Variants in TANC2 observed in about 807,000 individuals in gnomAD.
The protein encoded by TANC2 is tetratricopeptide repeat, ankyrin repeat and coiled-coil containing 2.
TANC2 carries 26 observed loss-of-function variants against 210.5 expected under a neutral mutation model. The observed-to-expected ratio is 0.12, with a 90% CI of 0.09 to 0.17. TANC2 has a LOEUF of 0.17. Among genes scored for constraint, TANC2 ranks in the 10% least tolerant of loss-of-function variants. The pLI, the probability that TANC2 is intolerant of heterozygous loss-of-function variation, is 1.00. For missense variants in TANC2, 2,129 were observed against 2,608.9 expected, an observed-to-expected ratio of 0.82 and a Z score of 4.01; for synonymous variants, 931 against 967.1, an observed-to-expected ratio of 0.96 and a Z score of 0.69.
chr17:63,187,428 A>G (rs1011119736), intron 5 of TANC2, among the ~76,000 whole-genome samples: 3 of 152,216 alleles, frequency 2.0e-5, no homozygotes, highest in Non-Finnish European at 2.9e-5. Context: ...AATTAACTAG[A>G]CTACAGACCT....
chr17:63,151,162 CTCTT>C, intron 4 of TANC2, 104 bp from the exon 5 acceptor site: 1 of 393,446 alleles, frequency 2.5e-6, no homozygotes, highest in Non-Finnish European at 3.5e-6. Context: ...CTATGTTTCT[CTCTT>C]TCCCTTTTTC....
At chr17:63,251,326 A>G (rs1348738057) in intron 8 of TANC2, among the ~76,000 whole-genome samples, 3 of 152,182 alleles carry the variant, frequency 2.0e-5, no homozygotes, top group Non-Finnish European at 4.4e-5. Flanking sequence ...GATAAGTTTG[A>G]CGCAGTTTGA....
chr17:63,393,793 G>A (rs2048062941), intron 17 of TANC2, among the ~76,000 whole-genome samples: 1 of 149,054 alleles, frequency 6.7e-6, no homozygotes, highest in Non-Finnish European at 1.5e-5. Context: ...TTTTTTGAGA[G>A]GAGTTTCACT....
At position 62,966,250 on chromosome 17, in the gene TANC2, C is replaced by G. The variant is rs2031322703; in HGVS notation, c.-523C>G. Among the ~76,000 whole-genome samples, 1 of 146,156 alleles carries G rather than the reference C, an allele frequency of 6.8e-6. No homozygotes were observed. On this transcript the variant is annotated 5_prime_UTR_variant, in exon 1 of 28. Coordinates refer to ENST00000689528, the Ensembl canonical transcript of TANC2. This position sits in a 1 kb window ranked among gnomAD's most constrained non-coding sequence, Gnocchi z 5.1. Reference sequence around the variant, plus strand: ...CCAGCGCGGCGGCGGCGCTAGCGAGCGGCCGGCGGGGCGCGGGTTGCTGGG... The same window carrying G: ...CCAGCGCGGCGGCGGCGCTAGCGAGGGGCCGGCGGGGCGCGGGTTGCTGGG...
intron 9 of TANC2, among the ~76,000 whole-genome samples, chr17:63,303,901 T>C (rs1167649302): frequency 6.6e-6 from 1 of 151,892 alleles, no homozygotes; most frequent in Admixed American, 6.6e-5. Context: ...TTGTGTATGC[T>C]TCACGAAGTT....
At chr17:63,030,323 A>G (rs1405879214) in intron 2 of TANC2, among the ~76,000 whole-genome samples, 2 of 152,188 alleles carry the variant, frequency 1.3e-5, no homozygotes, top group Non-Finnish European at 2.9e-5. Context: ...CATATAACTA[A>G]GAATTCCAGC....
chr17:63,271,436 C>CTT (rs58847076), intron 9 of TANC2, among the ~76,000 whole-genome samples: 81 of 141,804 alleles, frequency 5.7e-4, no homozygotes, highest in African/African-American at 1.1e-3. Flanking sequence ...AGCTCTTTTT[C>CTT]TTTTTTTTTT....
chr17:63,220,489 G>A (rs952660060), intron 7 of TANC2, among the ~76,000 whole-genome samples: 1 of 151,308 alleles, frequency 6.6e-6, no homozygotes, highest in African/African-American at 2.4e-5. Flanking sequence ...ATCACTTGAG[G>A]TCAGGAGTTC....
intron 2 of TANC2, among the ~76,000 whole-genome samples, chr17:63,052,387 T>C (rs1341014377): frequency 6.6e-6 from 1 of 152,170 alleles, no homozygotes; most frequent in Non-Finnish European, 1.5e-5. Flanking sequence ...TGGCTATAAT[T>C]TCATTATACA....
At chr17:63,234,584 C>A (rs111903994) in intron 7 of TANC2, among the ~76,000 whole-genome samples, 2 of 151,972 alleles carry the variant, frequency 1.3e-5, no homozygotes, top group Non-Finnish European at 2.9e-5. Context: ...CTGTGCTTTC[C>A]TTTGTTTTAT....
intron 7 of TANC2, among the ~76,000 whole-genome samples, chr17:63,232,795 C>T (rs1446693030): frequency 1.3e-5 from 2 of 152,254 alleles, no homozygotes; most frequent in African/African-American, 4.8e-5. Flanking sequence ...AGGGGGTGCA[C>T]TGCACTGGGG....
chr17:63,146,421 T>G (rs1347409753), intron 4 of TANC2, among the ~76,000 whole-genome samples: 1 of 152,204 alleles, frequency 6.6e-6, no homozygotes, highest in Non-Finnish European at 1.5e-5. Flanking sequence ...TTTATTTTCC[T>G]ACCACACTGG....
At chr17:62,975,835 G>A (rs953548929) in intron 1 of TANC2, among the ~76,000 whole-genome samples, 2 of 152,050 alleles carry the variant, frequency 1.3e-5, no homozygotes, top group African/African-American at 4.8e-5. Context: ...TCCTTAGGAC[G>A]ATGTCTAGTA....
chr17:63,368,786 C>T (rs1033148705), intron 14 of TANC2, among the ~76,000 whole-genome samples: 1 of 152,180 alleles, frequency 6.6e-6, no homozygotes, highest in Non-Finnish European at 1.5e-5. Flanking sequence ...ACCATAGACT[C>T]AACTTCCCAA....
At position 63,327,749 on chromosome 17, in the gene TANC2, A is replaced by G. The variant is rs193124545; in HGVS notation, c.1575+8659A>G. ...ATACACCATGGAATACTGTGCAGCC[A>G]TTAAAAAAAAAGAATGAAATCATTC... On this transcript the variant is annotated intron_variant, in intron 11 of 27. Transcript: ENST00000689528. 4.9e-4 allele frequency among the ~76,000 whole-genome samples: 75 copies of G among 152,212 alleles called. No homozygotes were observed. The East Asian group carries it at 0.013, about 27-fold the overall frequency.
intron 4 of TANC2, among the ~76,000 whole-genome samples, chr17:63,106,138 AG>A (rs905697420): frequency 4.0e-5 from 6 of 151,536 alleles, no homozygotes; most frequent in African/African-American, 1.5e-4. Context: ...ATTGGAAAAA[AG>A]GGGGGGCCCT....
chr17:62,967,905 C>T (rs947103247), intron 1 of TANC2, among the ~76,000 whole-genome samples: 14 of 151,976 alleles, frequency 9.2e-5, no homozygotes, highest in African/African-American at 3.1e-4. Flanking sequence ...GTGCTTCTTG[C>T]AGCATTTCCC....
At chr17:63,195,603 T>C (rs373192868) in intron 6 of TANC2, among the ~76,000 whole-genome samples, 10 of 152,146 alleles carry the variant, frequency 6.6e-5, no homozygotes, top group African/African-American at 2.4e-4. Context: ...CGTTGCCGTA[T>C]CCTCTGCCCC....
At chr17:63,046,913 C>T (rs1394656868) in intron 2 of TANC2, among the ~76,000 whole-genome samples, 1 of 151,964 alleles carries the variant, frequency 6.6e-6, no homozygotes, top group Non-Finnish European at 1.5e-5. Flanking sequence ...TTTGAATTTA[C>T]TTATCAGTCA....
Sources: allele counts gnomAD v4.1 joint callset (sites outside exome capture counted in the v4.1 genomes callset), GRCh38; gene constraint gnomAD v4.1.1; non-coding constraint Gnocchi (gnomAD v3.1); transcripts MANE v1.5; gene names NCBI Gene and HGNC (gene_info 2026-07-23, HGNC 2026-07-21).